Variants in SNRK observed in about 807,000 individuals in gnomAD.
The protein encoded by SNRK is SNF-related serine/threonine-protein kinase.
In SNRK, 3 loss-of-function variants were observed where a neutral mutation model predicts 48.2. That is an observed-to-expected ratio of 0.06 (90% CI 0.03 to 0.16). The LOEUF (loss-of-function observed/expected upper bound fraction) is 0.16. Among genes scored for constraint, SNRK ranks in the 10% least tolerant of loss-of-function variants. The pLI is 1.00. For missense variants in SNRK, 627 were observed against 976.0 expected, an observed-to-expected ratio of 0.64 and a Z score of 4.76; for synonymous variants, 376 against 366.1, an observed-to-expected ratio of 1.03 and a Z score of -0.31.
chr3:43,321,167 A>G (rs1190266701), intron 3 of SNRK, among the ~76,000 whole-genome samples: 1 of 152,198 alleles, frequency 6.6e-6, no homozygotes, highest in Non-Finnish European at 1.5e-5. Flanking sequence ...CAGTATCAAA[A>G]TGAATTTATT....
At chr3:43,332,140 A>G (rs1437417453) in intron 3 of SNRK, 29 bp from the exon 4 acceptor site, 3 of 1,483,094 alleles carry the variant, frequency 2.0e-6, no homozygotes, top group Non-Finnish European at 2.7e-6. Flanking sequence ...AATTAGTCCA[A>G]TATTTTAAAG....
intron 3 of SNRK, among the ~76,000 whole-genome samples, chr3:43,310,372 T>A (rs1377517240): frequency 6.6e-6 from 1 of 152,226 alleles, no homozygotes; most frequent in Non-Finnish European, 1.5e-5. Flanking sequence ...CTTTAATGTC[T>A]AGAGTCAGAC....
intron 3 of SNRK, among the ~76,000 whole-genome samples, chr3:43,314,196 T>C (rs1399139501): frequency 6.6e-6 from 1 of 152,222 alleles, no homozygotes; most frequent in Non-Finnish European, 1.5e-5. Context: ...TCTTAACTTT[T>C]TCTGATTCAT....
At chr3:43,300,154 T>A (rs2090888042) in intron 2 of SNRK, among the ~76,000 whole-genome samples, 1 of 152,174 alleles carries the variant, frequency 6.6e-6, no homozygotes, top group African/African-American at 2.4e-5. Context: ...TAAGAGTGAT[T>A]GTTTCACTAT....
chr3:43,293,505 A>G (rs560373908), intron 1 of SNRK, among the ~76,000 whole-genome samples: 3 of 152,210 alleles, frequency 2.0e-5, no homozygotes, highest in South Asian at 4.1e-4. Context: ...TGCACTGTCA[A>G]AAATTTTAAA....
At chr3:43,287,956 T>C (rs999924018) in intron 1 of SNRK, among the ~76,000 whole-genome samples, 1 of 152,244 alleles carries the variant, frequency 6.6e-6, no homozygotes, top group African/African-American at 2.4e-5. Flanking sequence ...TGAAGAGGAA[T>C]GTACTGTACA....
At chr3:43,345,368 A>C (rs17075587) in intron 6 of SNRK, among the ~76,000 whole-genome samples, 3,810 of 152,286 alleles carry the variant, frequency 0.025, 162 homozygotes, top group African/African-American at 0.085. Flanking sequence ...AGGAGACTGT[A>C]TTTAAAATGG....
At chr3:43,306,464 AT>A (rs1269847577) in intron 3 of SNRK, among the ~76,000 whole-genome samples, 4 of 152,030 alleles carry the variant, frequency 2.6e-5, no homozygotes, top group Non-Finnish European at 5.9e-5. Context: ...TGTCTATTTT[AT>A]TATTATTTTC....
chr3:43,346,373 AC>A (rs1420295552), intron 6 of SNRK, among the ~76,000 whole-genome samples: 2 of 152,002 alleles, frequency 1.3e-5, no homozygotes, highest in African/African-American at 2.4e-5. Context: ...ATATGACTAT[AC>A]CCCCCTGGGG....
At chr3:43,346,707 C>T (rs542807928) in intron 6 of SNRK, among the ~76,000 whole-genome samples, 9 of 152,288 alleles carry the variant, frequency 5.9e-5, no homozygotes, top group Non-Finnish European at 1.2e-4. Context: ...CATGCCCTTG[C>T]ACTCCAGCCT....
rs142316303 is a variant in SNRK at position 43,321,918 on chromosome 3, C to G, written c.590-10251C>G. 4.5e-3 allele frequency among the ~76,000 whole-genome samples: 688 copies of G among 152,340 alleles called. 4 individuals are homozygous for G. Among genetic ancestry groups the G allele is most frequent in the African/African-American group, 0.016 (661 of 41,582 alleles). On this transcript the variant is annotated intron_variant, in intron 3 of 6. Coordinates refer to ENST00000296088, the MANE Select transcript of SNRK (RefSeq NM_017719.5). ...GTGAATTTTGGCAAGTCCCAGGACA[C>G]AAAGTGCGGTGGTGCTGTCTCACCT...
At chr3:43,338,062 T>G (rs1232150379) in intron 4 of SNRK, among the ~76,000 whole-genome samples, 1 of 152,190 alleles carries the variant, frequency 6.6e-6, no homozygotes, top group Non-Finnish European at 1.5e-5. Flanking sequence ...TTTATTCTCT[T>G]CTTGAACAAC....
intron 3 of SNRK, among the ~76,000 whole-genome samples, chr3:43,311,063 C>T (rs999619863): frequency 5.3e-5 from 8 of 152,126 alleles, no homozygotes; most frequent in Admixed American, 1.3e-4. Flanking sequence ...AACTGGGAAG[C>T]CCTGGTATCT....
intron 3 of SNRK, among the ~76,000 whole-genome samples, chr3:43,316,806 GTCCTT>G (rs1270484341): frequency 6.6e-6 from 1 of 150,634 alleles, no homozygotes; most frequent in African/African-American, 2.4e-5. Context: ...TTGATTGCTT[GTCCTT>G]TCCTCTTCCC....
chr3:43,326,884 C>A (rs1226166033), intron 3 of SNRK, among the ~76,000 whole-genome samples: 1 of 152,162 alleles, frequency 6.6e-6, no homozygotes, highest in African/African-American at 2.4e-5. Flanking sequence ...TTCGTTCTTT[C>A]TAGGGGAAAA....
chr3:43,311,679 A>G lies in SNRK; in HGVS notation c.589+7887A>G, dbSNP rs2090980060. Among the ~76,000 whole-genome samples the G allele has an allele frequency of 2.0e-5, 3 of 152,146 alleles. No homozygotes were observed. In the South Asian group the frequency reaches 6.2e-4, roughly 32 times the overall value. Reference sequence around the variant, plus strand: ...CAGTTTATTCAGTGGAAGAAGAGACAAGGCAATGAACCTGTGCCTGCTGGG... The same window carrying G: ...CAGTTTATTCAGTGGAAGAAGAGACGAGGCAATGAACCTGTGCCTGCTGGG... On this transcript the variant is annotated intron_variant, in intron 3 of 6. Transcript: ENST00000296088.
intron 1 of SNRK, among the ~76,000 whole-genome samples, chr3:43,295,115 T>C (rs1019923771): frequency 4.6e-5 from 7 of 152,240 alleles, no homozygotes; most frequent in African/African-American, 9.6e-5. Flanking sequence ...AGAATCTGTT[T>C]AGGAATTTCA....
intron 1 of SNRK, 107 bp from the exon 2 acceptor site, chr3:43,299,647 A>G (rs2090883983): frequency 1.3e-5 from 2 of 152,654 alleles, no homozygotes; most frequent in Admixed American, 6.5e-5. Flanking sequence ...AAATTTTACT[A>G]TTTTTATACA....
At chr3:43,307,711 C>G (rs564663707) in intron 3 of SNRK, among the ~76,000 whole-genome samples, 1 of 152,284 alleles carries the variant, frequency 6.6e-6, no homozygotes, top group South Asian at 2.1e-4. Flanking sequence ...GTCTCTCTCT[C>G]TCTTCTTGGG....
Sources: allele counts gnomAD v4.1 joint callset (sites outside exome capture counted in the v4.1 genomes callset), GRCh38; gene constraint gnomAD v4.1.1; transcripts MANE v1.5; gene names NCBI Gene and HGNC (gene_info 2026-07-23, HGNC 2026-07-21).